Variants in INTS2 observed in about 807,000 individuals in gnomAD.
INTS2 encodes KIAA1287.
Under a neutral mutation model 139.6 loss-of-function variants are expected in INTS2, and 57 were observed. The ratio of observed to expected loss-of-function variants is 0.41; its 90% CI spans 0.33 to 0.51. The LOEUF is 0.51. INTS2 is among the 20% of genes least tolerant of loss of function. The pLI, the probability that INTS2 is intolerant of heterozygous loss-of-function variation, is 0.28. For synonymous variants in INTS2, 473 were observed against 493.4 expected, an observed-to-expected ratio of 0.96 and a Z score of 0.55; for missense variants, 1,196 against 1,436.7, an observed-to-expected ratio of 0.83 and a Z score of 2.71.
chr17:61,868,892 A>C lies in INTS2; in HGVS notation c.3244+142T>G, dbSNP rs549687891. ...CCAAAAGAAGAATTCAAAAGACGGC[A>C]TAAGTTAAACTAGTATTTAACACAT... On this transcript the variant is annotated intron_variant, in intron 23 of 24. Coordinates refer to ENST00000251334, the MANE Select transcript of INTS2 (RefSeq NM_001351695.2). The surrounding 1 kb of genome is among the most constrained non-coding windows in gnomAD (Gnocchi z 4.7). 101 of 558,390 alleles carry C rather than the reference A, an allele frequency of 1.8e-4. No individual in the cohort carries two copies. Among genetic ancestry groups the C allele is most frequent in the African/African-American group, 1.8e-3 (93 of 52,850 alleles). The allele number at this position is 558,390 out of a possible 1,614,324, so 34.6% of individuals were successfully genotyped here.
intron 5 of INTS2, among the ~76,000 whole-genome samples, chr17:61,916,551 A>G (rs2079584823): frequency 6.6e-6 from 1 of 152,258 alleles, no homozygotes; most frequent in South Asian, 2.1e-4. Context: ...TGACAGGGAA[A>G]GGACTCCCTA....
intron 7 of INTS2, among the ~76,000 whole-genome samples, chr17:61,908,372 G>A (rs1025159500): frequency 2.6e-5 from 4 of 152,050 alleles, no homozygotes; most frequent in Admixed American, 1.3e-4. Context: ...TCAAGATGGC[G>A]CCACTGCACT....
chr17:61,891,455 A>T, intron 14 of INTS2, 58 bp downstream of exon 14: 1 of 1,283,372 alleles, frequency 7.8e-7, no homozygotes, highest in Non-Finnish European at 1.1e-6. Flanking sequence ...AATATGGGTT[A>T]AGTAAGAAGA....
intron 5 of INTS2, 117 bp from the exon 6 acceptor site, chr17:61,912,187 A>C: frequency 6.0e-6 from 6 of 1,001,700 alleles, no homozygotes; most frequent in Non-Finnish European, 7.4e-6. Flanking sequence ...ATTGGCCAAA[A>C]TGAAGCAAAA....
Position 61,876,084 on chromosome 17 carries a change from G to A in INTS2, c.2457-1046C>T, listed in dbSNP as rs541430327. On this transcript the variant is annotated intron_variant, in intron 18 of 24. Transcript: ENST00000251334. This position sits in a 1 kb window ranked among gnomAD's most constrained non-coding sequence, Gnocchi z 4.1. ...TTTGGGAGGCTGAGGCAGAAGGATCGTTTGAGCCCATGAGTTGAGGTTACA... is the reference window on the plus strand; with the variant it reads ...TTTGGGAGGCTGAGGCAGAAGGATCATTTGAGCCCATGAGTTGAGGTTACA... Among the ~76,000 whole-genome samples the A allele has an allele frequency of 5.9e-5, 9 of 152,248 alleles. No homozygotes were observed. In the South Asian group the frequency reaches 1.7e-3, roughly 28 times the overall value.
chr17:61,871,674 C>T lies in INTS2; in HGVS notation c.2778+591G>A, dbSNP rs544414125. Among the ~76,000 whole-genome samples, 109 of 152,198 alleles carry T rather than the reference C, an allele frequency of 7.2e-4. 1 individual carries two copies. The highest frequency in any genetic ancestry group is 2.5e-3 in the African/African-American group (105 of 41,534). On this transcript the variant is annotated intron_variant, in intron 20 of 24. Transcript: ENST00000251334. This position sits in a 1 kb window ranked among gnomAD's most constrained non-coding sequence, Gnocchi z 4.9. Reference sequence around the variant, plus strand: ...TGAGGCCGGGTGCCGTGGCTCATGCCTGTAATCCCAGCACTTTGGGAAGCT... The same window carrying T: ...TGAGGCCGGGTGCCGTGGCTCATGCTTGTAATCCCAGCACTTTGGGAAGCT...
chr17:61,881,300 A>T, intron 16 of INTS2, 129 bp from the exon 17 acceptor site: 1 of 755,314 alleles, frequency 1.3e-6, no homozygotes, highest in South Asian at 1.9e-5. Context: ...AGTGTTTCTC[A>T]AAAAATGATT....
In INTS2 at chr17:61,867,433, T is replaced by G. The variant is rs2079054249; in HGVS notation, c.*124A>C. ...GTTCTAAACTATACTCATGTTGAAT[T>G]GAATTGTTTTAGTGATTCCAAGACA... On this transcript the variant is annotated 3_prime_UTR_variant, in exon 25 of 25. Transcript: ENST00000251334. The surrounding 1 kb of genome is among the most constrained non-coding windows in gnomAD (Gnocchi z 5.6). 1 of 559,450 alleles carries G rather than the reference T, an allele frequency of 1.8e-6. No homozygotes were observed. Among genetic ancestry groups the G allele is most frequent in the African/African-American group, 1.9e-5 (1 of 52,964 alleles). 34.7% of individuals were successfully genotyped at this position (559,450 alleles called of 1,614,324 possible).
At position 61,868,955 on chromosome 17, in the gene INTS2, A is replaced by G; in HGVS notation, c.3244+79T>C. 1.2e-6 allele frequency: 1 copy of G among 821,330 alleles called. No individual in the cohort carries two copies. The allele number at this position is 821,330 out of a possible 1,614,324, so 50.9% of individuals were successfully genotyped here. On this transcript the variant is annotated intron_variant, in intron 23 of 24. Transcript: ENST00000251334. The surrounding 1 kb of genome is among the most constrained non-coding windows in gnomAD (Gnocchi z 4.7). ...TGTCTCAGAGTGACAGAAAAAACAT[A>G]TTGCATCACTAAATGCAGAAAATAT...
In INTS2 at chr17:61,925,076, C is replaced by A; in HGVS notation, c.317G>T (p.Gly106Val). 6.2e-7 allele frequency: 1 copy of A among 1,613,600 alleles called. No homozygotes were observed. Among genetic ancestry groups the A allele is most frequent in the African/African-American group, 1.3e-5 (1 of 75,036 alleles). ...AAGCTGTGATACCAGGATGCTCTCT[C>A]CACTGCCTCCTCCAAGTTTATGCCT... Reference protein sequence around the residue: ...QLRHKLGGGSGESILVSQLQH... With the variant: ...QLRHKLGGGSVESILVSQLQH... The change falls in exon 3 of 25, where the codon GGA becomes GTA. Residue 106 changes from glycine to valine, a missense_variant. Transcript: ENST00000251334.
chr17:61,922,538 A>ATATATATATATG (rs2079656533), intron 3 of INTS2, among the ~76,000 whole-genome samples: 2 of 110,330 alleles, frequency 1.8e-5, no homozygotes, highest in Non-Finnish European at 3.7e-5. Flanking sequence ...ATATATATAT[A>ATATATATATATG]TATATATACG....
intron 16 of INTS2, 60 bp downstream of exon 16, chr17:61,884,841 T>A: frequency 9.5e-7 from 1 of 1,052,426 alleles, no homozygotes. Flanking sequence ...TTCATAACAT[T>A]ATAAACAGAA....
Position 61,867,538 on chromosome 17 carries a change from T to G in INTS2, c.*19A>C. 1 of 1,539,372 alleles carries G rather than the reference T, an allele frequency of 6.5e-7. No homozygotes were observed. The highest frequency in any genetic ancestry group is 8.9e-7 in the Non-Finnish European group (1 of 1,123,480). On this transcript the variant is annotated 3_prime_UTR_variant, in exon 25 of 25. Transcript: ENST00000251334. The surrounding 1 kb of genome is among the most constrained non-coding windows in gnomAD (Gnocchi z 5.6). ...TGGGTATATGCAGCAAACAACTTTT[T>G]GTTGTTTTAAATTTTGTTTTAAATT... is the stretch of plus-strand genomic sequence containing the variant.
chr17:61,913,584 G>A (rs1292557790), intron 5 of INTS2, among the ~76,000 whole-genome samples: 2 of 152,044 alleles, frequency 1.3e-5, no homozygotes, highest in Non-Finnish European at 2.9e-5. Flanking sequence ...CCAAAGTGCT[G>A]GGATTACAGG....
chr17:61,904,807 A>G (rs2079444010), intron 8 of INTS2, among the ~76,000 whole-genome samples: 1 of 152,196 alleles, frequency 6.6e-6, no homozygotes, highest in Non-Finnish European at 1.5e-5. Context: ...TTTGCCCTGT[A>G]GTGTGAGACC....
At chr17:61,915,166 G>A (rs1008656315) in intron 5 of INTS2, among the ~76,000 whole-genome samples, 12 of 151,530 alleles carry the variant, frequency 7.9e-5, no homozygotes, top group East Asian at 7.8e-4. Context: ...GTGAAACCCC[G>A]TCTCTACTAA....
At position 61,883,748 on chromosome 17, in the gene INTS2, G is replaced by A. The variant is rs544837122; in HGVS notation, c.2089+1153C>T. Among the ~76,000 whole-genome samples, 25 of 144,276 alleles carry A rather than the reference G, an allele frequency of 1.7e-4. 1 individual carries two copies. Among genetic ancestry groups the A allele is most frequent in the Non-Finnish European group, 1.5e-4 (10 of 66,370 alleles). 94.7% of individuals were successfully genotyped at this position (144,276 alleles called of 152,430 possible). On this transcript the variant is annotated intron_variant, in intron 16 of 24. Coordinates refer to ENST00000251334, the MANE Select transcript of INTS2 (RefSeq NM_001351695.2). Reference sequence around the variant, plus strand: ...GCCTGTGAGACAAGAGCGAAACTCCGTCTCAAAAAAAAAAAAAAGAAAAGA... The same window carrying A: ...GCCTGTGAGACAAGAGCGAAACTCCATCTCAAAAAAAAAAAAAAGAAAAGA...
chr17:61,867,950 A>G lies in INTS2; in HGVS notation c.3304T>C (p.Phe1102Leu). 2 of 1,612,422 alleles carry G rather than the reference A, an allele frequency of 1.2e-6. No individual in the cohort carries two copies. The highest frequency in any genetic ancestry group is 1.7e-6 in the Non-Finnish European group (2 of 1,179,402). Residue 1102 changes from phenylalanine to leucine, a missense_variant, in exon 24 of 25, where the codon TTT (phenylalanine) becomes CTT (leucine). Phe to Leu is a conservative substitution (Grantham distance 22). Coordinates refer to ENST00000251334, the MANE Select transcript of INTS2 (RefSeq NM_001351695.2). The surrounding 1 kb of genome is among the most constrained non-coding windows in gnomAD (Gnocchi z 5.6). ...FMPTLPSLVS[F>L]CRAFPPLYED... Reference sequence around the variant, plus strand: ...TACAATGGAGGAAATGCTCGACAAAAAGAGACCAAACTTGGCAGAGTTGGC... The same window carrying G: ...TACAATGGAGGAAATGCTCGACAAAGAGAGACCAAACTTGGCAGAGTTGGC...
At chr17:61,903,711 T>C (rs571500831) in intron 9 of INTS2, among the ~76,000 whole-genome samples, 18 of 151,236 alleles carry the variant, frequency 1.2e-4, no homozygotes, top group African/African-American at 4.4e-4. Context: ...AATAATCATA[T>C]ACTGCATGGT....
Sources: allele counts gnomAD v4.1 joint callset (sites outside exome capture counted in the v4.1 genomes callset), GRCh38; gene constraint gnomAD v4.1.1; non-coding constraint Gnocchi (gnomAD v3.1); transcripts MANE v1.5; gene names NCBI Gene and HGNC (gene_info 2026-07-23, HGNC 2026-07-21).